Variants in L1TD1 observed in about 807,000 individuals in gnomAD.
The protein encoded by L1TD1 is LINE1 type transposase domain containing 1, also known as LINE-1 type transposase domain-containing protein 1.
Under a neutral mutation model 25.7 loss-of-function variants are expected in L1TD1, and 26 were observed. The ratio of observed to expected loss-of-function variants is 1.01; its 90% CI spans 0.74 to 1.40. The LOEUF is 1.40. L1TD1 is among the 40% of genes most tolerant of loss of function. The pLI is 0.00. For synonymous variants in L1TD1, 421 were observed against 335.6 expected, an observed-to-expected ratio of 1.25 and a Z score of -2.78; for missense variants, 1,130 against 975.0, an observed-to-expected ratio of 1.16 and a Z score of -2.12.
intron 1 of L1TD1, among the ~76,000 whole-genome samples, chr1:62,195,985 C>T (rs977821882): frequency 3.3e-5 from 5 of 151,606 alleles, no homozygotes; most frequent in Non-Finnish European, 5.9e-5. Context: ...TGCAGTGAGC[C>T]GAGATCGGGC....
chr1:62,205,924 T>TCACC (rs1004974051), intron 2 of L1TD1, among the ~76,000 whole-genome samples: 3 of 151,846 alleles, frequency 2.0e-5, no homozygotes, highest in Non-Finnish European at 4.4e-5. Context: ...TAGAGACAGG[T>TCACC]CACCCTATGT....
Position 62,211,376 on chromosome 1 carries a change from G to A in L1TD1, c.*4G>A, listed in dbSNP as rs1056517. ...ACTGGGGAATAATATACCTTAGCAC[G>A]CCAGGGTGACTACAAACAATATGCT... On this transcript the variant is annotated 3_prime_UTR_variant, in exon 4 of 4. Coordinates refer to ENST00000498273, the MANE Select transcript of L1TD1 (RefSeq NM_019079.5). The A allele has an allele frequency of 1.9e-5, 30 of 1,572,616 alleles. No individual in the cohort carries two copies. In the African/African-American group the frequency reaches 2.6e-4, roughly 14 times the overall value.
At chr1:62,205,441 A>ATTTTTTTTTTT (rs1447667211) in intron 2 of L1TD1, among the ~76,000 whole-genome samples, 29 of 53,836 alleles carry the variant, frequency 5.4e-4, no homozygotes, top group African/African-American at 1.0e-3. Flanking sequence ...ATATATATAT[A>ATTTTTTTTTTT]TATTTTTTTT....
chr1:62,209,719 A>G (rs1409340232), intron 3 of L1TD1, 64 bp from the exon 4 acceptor site: 1 of 1,279,058 alleles, frequency 7.8e-7, no homozygotes, highest in East Asian at 2.4e-5. Context: ...TGAAATTTTA[A>G]TTCTTTAAAA....
rs1190123587 is a variant in L1TD1 at position 62,210,616 on chromosome 1, A to G, written c.1842A>G (p.Glu614=). The change falls in exon 4 of 4, where the codon GAA becomes GAG. Residue 614 remains glutamate (E), a synonymous_variant. Transcript: ENST00000498273. ...AAGCAGACTTAACAGAGGAAACAGA[A>G]GAAAACTTGAGAAGTAGTGTGATTA... is the stretch of plus-strand genomic sequence containing the variant. ...SKEADLTEET[E]ENLRSSVINS... 6.3e-7 allele frequency: 1 copy of G among 1,599,404 alleles called. No individual in the cohort carries two copies. Among genetic ancestry groups the G allele is most frequent in the East Asian group, 2.3e-5 (1 of 44,002 alleles).
rs1261055805 is a variant in L1TD1 at position 62,205,443 on chromosome 1, A to ATTT, written c.-110-1069_-110-1067dup. Among the ~76,000 whole-genome samples the ATTT allele has an allele frequency of 4.7e-3, 299 of 63,642 alleles. 36 individuals are homozygous for ATTT. The highest frequency in any genetic ancestry group is 7.0e-3 in the Non-Finnish European group (228 of 32,556). The allele number at this position is 63,642 out of a possible 152,430, so 41.8% of individuals were successfully genotyped here. On this transcript the variant is annotated intron_variant, in intron 2 of 3. Transcript: ENST00000498273. ...TATATATATATATATATATATATAT[A>ATTT]TTTTTTTTTAGACAGTCTTGCTGTG... is the stretch of plus-strand genomic sequence containing the variant.
rs1670777029 is a variant in L1TD1 at position 62,207,590 on chromosome 1, A to G, written c.962A>G (p.Glu321Gly). ...ELLKDVLPQK[E>G]EINQGGRKYG... ...CTGAAAGATGTACTCCCACAAAAGG[A>G]AGAAATAAATCAAGGAGGAAGAAAA... Residue 321 changes from glutamate (E) to glycine (G), a missense_variant, in exon 3 of 4, where the codon GAA becomes GGA. Physicochemically the swap from Glu to Gly is moderately conservative, Grantham distance 98. Transcript: ENST00000498273. 6.5e-7 allele frequency: 1 copy of G among 1,544,960 alleles called. No individual in the cohort carries two copies. The highest frequency in any genetic ancestry group is 8.7e-7 in the Non-Finnish European group (1 of 1,145,288).
chr1:62,198,177 C>T (rs769967933), intron 2 of L1TD1, among the ~76,000 whole-genome samples: 2 of 152,066 alleles, frequency 1.3e-5, no homozygotes, highest in South Asian at 2.1e-4. Flanking sequence ...CCCATAAAAA[C>T]CAGGCACTTT....
intron 2 of L1TD1, among the ~76,000 whole-genome samples, chr1:62,205,443 A>ATTTTTTTTTTTTTTTTTTTTTTTTT (rs1261055805): frequency 4.7e-5 from 3 of 63,658 alleles, no homozygotes; most frequent in Non-Finnish European, 6.1e-5. Flanking sequence ...ATATATATAT[A>ATTTTTTTTTTTTTTTTTTTTTTTTT]TTTTTTTTTA....
intron 1 of L1TD1, among the ~76,000 whole-genome samples, chr1:62,196,030 C>G (rs1430742723): frequency 1.1e-5 from 1 of 94,900 alleles, no homozygotes; most frequent in African/African-American, 4.0e-5. Context: ...GAGCGAAACT[C>G]CGTCTCAAAA....
intron 3 of L1TD1, 56 bp downstream of exon 3, chr1:62,207,692 A>C: frequency 7.0e-7 from 1 of 1,436,270 alleles, no homozygotes. Context: ...AATAGTAGGC[A>C]TGGTTATTTT....
In L1TD1 at chr1:62,210,795, C is replaced by G. The variant is rs1423987223; in HGVS notation, c.2021C>G (p.Ser674Cys). Reference protein sequence around the residue: ...DSLEDQIEEFSKDTMQMTKQI... With the variant: ...DSLEDQIEEFCKDTMQMTKQI... ...CTAGAAGATCAAATTGAAGAATTCTCTAAGGATACAATGCAAATGACCAAA... is the reference window on the plus strand; with the variant it reads ...CTAGAAGATCAAATTGAAGAATTCTGTAAGGATACAATGCAAATGACCAAA... Residue 674 changes from serine to cysteine, a missense_variant, in exon 4 of 4, where the codon TCT becomes TGT. Ser to Cys is a moderately radical substitution (Grantham distance 112, BLOSUM62 -1). Coordinates refer to ENST00000498273, the MANE Select transcript of L1TD1 (RefSeq NM_019079.5). 16 of 1,550,262 alleles carry G rather than the reference C, an allele frequency of 1.0e-5. No individual in the cohort carries two copies. The highest frequency in any genetic ancestry group is 3.9e-5 in the Admixed American group (2 of 50,700).
chr1:62,196,198 C>G (rs1390064423), intron 1 of L1TD1, among the ~76,000 whole-genome samples: 5 of 152,130 alleles, frequency 3.3e-5, no homozygotes, highest in Non-Finnish European at 5.9e-5. Context: ...CCAACTCTCA[C>G]AAAGAAGAAA....
rs543294945 is a variant in L1TD1, at chr1:62,205,931, A to G, written c.-110-588A>G. 2.6e-5 allele frequency among the ~76,000 whole-genome samples: 4 copies of G among 151,926 alleles called. No individual in the cohort carries two copies. In the East Asian group the frequency reaches 7.8e-4, roughly 30 times the overall value. ...TTTTTTTGTAGAGACAGGTCACCCT[A>G]TGTTGCCCAGGCTGGTCTCGAACTC... On this transcript the variant is annotated intron_variant, in intron 2 of 3. Coordinates refer to ENST00000498273, the MANE Select transcript of L1TD1 (RefSeq NM_019079.5).
At position 62,209,350 on chromosome 1, in the gene L1TD1, G is replaced by A. The variant is rs957043183; in HGVS notation, c.1009-433G>A. ...TGGAGAAAGGTAAATGTGAGCCTGG[G>A]GTTTTTGTTTGTGTGTGCTTATGAT... is the stretch of plus-strand genomic sequence containing the variant. On this transcript the variant is annotated intron_variant, in intron 3 of 3. Transcript: ENST00000498273. Among the ~76,000 whole-genome samples, 5 of 150,612 alleles carry A rather than the reference G, an allele frequency of 3.3e-5. No individual in the cohort carries two copies. The East Asian group carries it at 5.8e-4, about 18-fold the overall frequency.
At position 62,210,782 on chromosome 1, in the gene L1TD1, A is replaced by G. The variant is rs1479407891; in HGVS notation, c.2008A>G (p.Ile670Val). The change falls in exon 4 of 4, where the codon ATT becomes GTT. Residue 670 changes from isoleucine (I) to valine (V), a missense_variant. Physicochemically the swap from Ile to Val is conservative, Grantham distance 29. Coordinates refer to ENST00000498273, the MANE Select transcript of L1TD1 (RefSeq NM_019079.5). ...AAGAATAGACAGTCTAGAAGATCAA[A>G]TTGAAGAATTCTCTAAGGATACAAT... Reference protein sequence around the residue: ...EERIDSLEDQIEEFSKDTMQM... With the variant: ...EERIDSLEDQVEEFSKDTMQM... The G allele has an allele frequency of 2.4e-5, 37 of 1,550,280 alleles. No individual in the cohort carries two copies. Among genetic ancestry groups the G allele is most frequent in the Non-Finnish European group, 3.2e-5 (37 of 1,146,700 alleles).
intron 2 of L1TD1, among the ~76,000 whole-genome samples, chr1:62,200,663 C>T (rs1670624588): frequency 6.6e-6 from 1 of 151,912 alleles, no homozygotes. Context: ...TCATGTATTC[C>T]TAAGTGTACA....
At chr1:62,203,582 T>C (rs1013921564) in intron 2 of L1TD1, among the ~76,000 whole-genome samples, 7 of 152,126 alleles carry the variant, frequency 4.6e-5, no homozygotes, top group African/African-American at 1.7e-4. Context: ...GTCTGGCTAA[T>C]GTTTTTTTTC....
chr1:62,196,997 G>A (rs1284795731), intron 2 of L1TD1, among the ~76,000 whole-genome samples: 1 of 152,038 alleles, frequency 6.6e-6, no homozygotes, highest in Non-Finnish European at 1.5e-5. Flanking sequence ...TTGCAGTCTG[G>A]TGCTATTAGC....
Sources: gnomAD v4.1 joint callset for allele counts (sites outside exome capture counted in the v4.1 genomes callset) on GRCh38, gnomAD v4.1.1 for gene constraint, MANE v1.5 for transcripts, NCBI Gene and HGNC (gene_info 2026-07-23, HGNC 2026-07-21) for gene names.